ERBB4: variants seen among roughly 807,000 people sequenced by gnomAD.
ERBB4 encodes receptor tyrosine-protein kinase erbB-4.
ERBB4 carries 42 observed loss-of-function variants against 158.0 expected under a neutral mutation model. The observed-to-expected ratio is 0.27, with a 90% CI of 0.21 to 0.34. ERBB4 has a LOEUF of 0.34. Ranked by LOEUF, ERBB4 falls within the 10% of genes least tolerant of loss-of-function variation. The pLI, the probability that ERBB4 is intolerant of heterozygous loss-of-function variation, is 1.00. For missense variants in ERBB4, 1,333 were observed against 1,624.1 expected (o/e 0.82, Z 3.08); for synonymous variants, 583 against 558.7 (o/e 1.04, Z -0.61).
intron 2 of ERBB4, among the ~76,000 whole-genome samples, chr2:212,061,400 C>T (rs562478938): frequency 1.4e-5 from 2 of 139,244 alleles, no homozygotes; most frequent in South Asian, 4.8e-4. Flanking sequence ...TTGCAGTGAG[C>T]CGCGATGGTT....
chr2:211,566,356 A>G (rs1482410753), intron 19 of ERBB4, among the ~76,000 whole-genome samples: 1 of 152,184 alleles, frequency 6.6e-6, no homozygotes, highest in Non-Finnish European at 1.5e-5. Flanking sequence ...AGGCCAGATT[A>G]TAGGTAAATA....
rs556914612 is a variant in ERBB4 at position 211,431,090 on chromosome 2, T to A, written c.2498A>T (p.Tyr833Phe). Residue 833 changes from tyrosine to phenylalanine, a missense_variant, in exon 21 of 28, where the codon TAC becomes TTC. Tyr to Phe is a conservative substitution (Grantham distance 22, BLOSUM62 3). Coordinates refer to ENST00000342788, the MANE Select transcript of ERBB4 (RefSeq NM_005235.3). ...ATGAACGAGTCGTCTTTCTTCCAGG[T>A]ACATCATTCCCTGAAAAATATCAAG... is the stretch of plus-strand genomic sequence containing the variant. ...WCVQIAKGMM[Y>F]LEERRLVHRD... The A allele has an allele frequency of 6.2e-7, 1 of 1,613,608 alleles. No homozygotes were observed. Among genetic ancestry groups the A allele is most frequent in the African/African-American group, 1.3e-5 (1 of 75,026 alleles).
At position 211,622,574 on chromosome 2, in the gene ERBB4, GA is replaced by G. The variant is rs537663482; in HGVS notation, c.2202+1347del. ...GTTAAATAAATCTCTGTTTTAAATAGAAAAAAATGAATATTTCAAAATGCAA... is the reference window on the plus strand; with the variant it reads ...GTTAAATAAATCTCTGTTTTAAATAGAAAAAATGAATATTTCAAAATGCAA... On this transcript the variant is annotated intron_variant, in intron 18 of 27. Coordinates refer to ENST00000342788, the MANE Select transcript of ERBB4 (RefSeq NM_005235.3). Among the ~76,000 whole-genome samples, 887 of 151,964 alleles carry G rather than the reference GA, an allele frequency of 5.8e-3. 8 individuals are homozygous for G. Among genetic ancestry groups the G allele is most frequent in the African/African-American group, 0.021 (859 of 41,470 alleles).
intron 3 of ERBB4, among the ~76,000 whole-genome samples, chr2:211,832,353 C>A (rs770549839): frequency 6.6e-6 from 1 of 151,980 alleles, no homozygotes; most frequent in African/African-American, 2.4e-5. Flanking sequence ...TAGAGCATAG[C>A]ACTCTTCACA....
chr2:211,969,941 C>G (rs111456236), intron 2 of ERBB4, among the ~76,000 whole-genome samples: 23,846 of 151,828 alleles, frequency 0.16, 1,902 homozygotes, highest in African/African-American at 0.19. Flanking sequence ...TTTGGGATTT[C>G]TTTGCTCTTG....
chr2:211,846,042 G>A (rs1559569034), intron 3 of ERBB4, among the ~76,000 whole-genome samples: 1 of 121,690 alleles, frequency 8.2e-6, no homozygotes, highest in East Asian at 2.3e-4. Context: ...CTACAATACT[G>A]TTAATTGTTG....
intron 1 of ERBB4, among the ~76,000 whole-genome samples, chr2:212,331,173 A>G (rs976145783): frequency 1.3e-5 from 2 of 148,982 alleles, no homozygotes; most frequent in Admixed American, 6.9e-5. Flanking sequence ...TTATTGACAG[A>G]CCACATAATG....
intron 27 of ERBB4, among the ~76,000 whole-genome samples, 166 bp from the exon 28 acceptor site, chr2:211,384,226 A>G (rs1028076292): frequency 6.6e-6 from 1 of 152,222 alleles, no homozygotes; most frequent in Non-Finnish European, 1.5e-5. Context: ...GTCTTATGAA[A>G]AAAAGAGTAA....
chr2:212,015,098 A>T (rs1363912235), intron 2 of ERBB4, among the ~76,000 whole-genome samples: 1 of 74,288 alleles, frequency 1.3e-5, no homozygotes, highest in Non-Finnish European at 2.4e-5. Context: ...ATATATATAT[A>T]TATATATATA....
At position 211,767,939 on chromosome 2, in the gene ERBB4, C is replaced by T. The variant is rs552360508; in HGVS notation, c.557-17235G>A. Among the ~76,000 whole-genome samples, 8 of 152,282 alleles carry T rather than the reference C, an allele frequency of 5.3e-5. No individual in the cohort carries two copies. The South Asian group carries it at 1.7e-3, about 32-fold the overall frequency. On this transcript the variant is annotated intron_variant, in intron 4 of 27. Transcript: ENST00000342788. ...GACCCCCAAAAGTCTTAGCTCATTA[C>T]AGCATTAACCTAAAAGTCCATGTCC...
chr2:212,103,933 AG>A (rs1377203938), intron 2 of ERBB4, among the ~76,000 whole-genome samples: 1 of 152,154 alleles, frequency 6.6e-6, no homozygotes, highest in Non-Finnish European at 1.5e-5. Flanking sequence ...AATGCAAAAC[AG>A]AACTGGATAA....
intron 3 of ERBB4, among the ~76,000 whole-genome samples, chr2:211,820,038 T>A (rs2076960410): frequency 6.6e-6 from 1 of 151,832 alleles, no homozygotes; most frequent in South Asian, 2.1e-4. Context: ...CAGTTTAAGG[T>A]GCTTGTGGGA....
chr2:212,220,903 T>G (rs758291617), intron 1 of ERBB4, among the ~76,000 whole-genome samples: 6 of 151,574 alleles, frequency 4.0e-5, no homozygotes, highest in Non-Finnish European at 8.9e-5. Flanking sequence ...TCATATTTAT[T>G]TTTGCTACTT....
At chr2:212,056,431 C>T (rs1279891910) in intron 2 of ERBB4, among the ~76,000 whole-genome samples, 1 of 152,118 alleles carries the variant, frequency 6.6e-6, no homozygotes, top group Non-Finnish European at 1.5e-5. Flanking sequence ...GAGAGAACAC[C>T]ACAAAGAGAC....
At chr2:212,098,149 G>A (rs1030789377) in intron 2 of ERBB4, among the ~76,000 whole-genome samples, 11 of 152,140 alleles carry the variant, frequency 7.2e-5, no homozygotes, top group African/African-American at 1.2e-4. Context: ...GATTTATCTC[G>A]GAACCGATGA....
intron 1 of ERBB4, among the ~76,000 whole-genome samples, chr2:212,456,938 A>G (rs982334691): frequency 2.0e-5 from 3 of 151,840 alleles, no homozygotes; most frequent in African/African-American, 4.8e-5. Context: ...GTTCTATTAT[A>G]CTTAAGGTTT....
intron 2 of ERBB4, among the ~76,000 whole-genome samples, chr2:211,957,819 G>C (rs545886969): frequency 6.6e-6 from 1 of 152,178 alleles, no homozygotes; most frequent in South Asian, 2.1e-4. Context: ...TGAGAAAACT[G>C]CTTGCTAGCA....
intron 1 of ERBB4, among the ~76,000 whole-genome samples, chr2:212,220,747 T>C (rs1231029777): frequency 6.6e-6 from 1 of 151,444 alleles, no homozygotes; most frequent in Non-Finnish European, 1.5e-5. Context: ...CAAATAATAA[T>C]GCTGGGGTAA....
At chr2:211,469,801 C>T (rs551503416) in intron 20 of ERBB4, among the ~76,000 whole-genome samples, 21 of 152,250 alleles carry the variant, frequency 1.4e-4, no homozygotes, top group Middle Eastern at 6.8e-3. Flanking sequence ...AGTATAATTG[C>T]ATATCTATTC....
Sources: gnomAD v4.1 joint callset for allele counts (sites outside exome capture counted in the v4.1 genomes callset) on GRCh38, gnomAD v4.1.1 for gene constraint, MANE v1.5 for transcripts, NCBI Gene and HGNC (gene_info 2026-07-23, HGNC 2026-07-21) for gene names.